SIRPG: variants seen among roughly 807,000 people sequenced by gnomAD.
SIRPG encodes the protein signal regulatory protein gamma, also known as signal-regulatory protein gamma.
Under a neutral mutation model 35.7 loss-of-function variants are expected in SIRPG, and 38 were observed. That is an observed-to-expected ratio of 1.06 (90% CI 0.82 to 1.40). The LOEUF (loss-of-function observed/expected upper bound fraction) is 1.40, where lower values mean the gene tolerates loss of function less well. Among genes scored for constraint, SIRPG ranks in the 40% most tolerant of loss-of-function variants. SIRPG has a pLI of 0.00. For synonymous variants in SIRPG, 215 were observed against 190.4 expected, an observed-to-expected ratio of 1.13 and a Z score of -1.06; for missense variants, 519 against 483.0, an observed-to-expected ratio of 1.07 and a Z score of -0.70.
intron 1 of SIRPG, among the ~76,000 whole-genome samples, chr20:1,652,925 G>A (rs1038969028): frequency 1.3e-5 from 2 of 152,178 alleles, no homozygotes; most frequent in African/African-American, 4.8e-5. Context: ...ATAGATATGT[G>A]TGTAATGTTT....
chr20:1,669,254 T>G, the SIRPG span, among the ~76,000 whole-genome samples: 1 of 152,228 alleles, frequency 6.6e-6, no homozygotes. Context: ...CAAGACATCT[T>G]CAACAACATC....
At position 1,649,321 on chromosome 20, in the gene SIRPG, G is replaced by A. The variant is rs143978848; in HGVS notation, c.161C>T (p.Thr54Ile). 3.4e-4 allele frequency: 542 copies of A among 1,614,160 alleles called. No homozygotes were observed. Among genetic ancestry groups the A allele is most frequent in the Admixed American group, 4.3e-4 (26 of 60,024 alleles). ...TCCCACGGGAAGCAGGGAGGTCACA[G>A]TGCAGTGCAGAGTGGCTGTCTTTCC... Reference protein sequence around the residue: ...TVGKTATLHCTVTSLLPVGPV... With the variant: ...TVGKTATLHCIVTSLLPVGPV... The change falls in exon 2 of 6, where the codon ACT (threonine) becomes ATT (isoleucine). Residue 54 changes from threonine to isoleucine, a missense_variant. Thr to Ile is a moderately conservative substitution (Grantham distance 89). Coordinates refer to ENST00000303415, the MANE Select transcript of SIRPG (RefSeq NM_018556.4).
intron 1 of SIRPG, among the ~76,000 whole-genome samples, chr20:1,656,245 A>G (rs1177423286): frequency 6.6e-6 from 1 of 152,230 alleles, no homozygotes. Context: ...GAACTGGTCA[A>G]CCTGGACTTG....
At chr20:1,636,584 A>G in intron 2 of SIRPG, 79 bp from the exon 3 acceptor site, 1 of 1,368,032 alleles carries the variant, frequency 7.3e-7, no homozygotes, top group East Asian at 2.3e-5. Context: ...ACTGTTAAGA[A>G]CCTTCAGATA....
upstream of SIRPG, among the ~76,000 whole-genome samples, chr20:1,661,727 A>G (rs2091996461): frequency 1.3e-5 from 2 of 152,334 alleles, no homozygotes; most frequent in African/African-American, 4.8e-5. Flanking sequence ...ACAATCCTCC[A>G]TTGTGAAAGA....
chr20:1,643,745 A>C (rs765982011), intron 2 of SIRPG, among the ~76,000 whole-genome samples: 1 of 151,954 alleles, frequency 6.6e-6, no homozygotes, highest in African/African-American at 2.4e-5. Context: ...TGACCCTTGG[A>C]TGGGGTTTTT....
At chr20:1,672,101 C>T in the SIRPG span, among the ~76,000 whole-genome samples, 173 of 152,248 alleles carry the variant, frequency 1.1e-3, 1 homozygote, top group African/African-American at 3.8e-3. Context: ...GGAACCAGGC[C>T]GCTCAGCCCA....
intron 2 of SIRPG, among the ~76,000 whole-genome samples, chr20:1,639,677 T>G (rs1028342498): frequency 6.6e-5 from 10 of 152,278 alleles, no homozygotes; most frequent in Admixed American, 3.3e-4. Context: ...TTTGGCATTT[T>G]CGTCATGAAG....
chr20:1,684,589 C>G, the SIRPG span, among the ~76,000 whole-genome samples: 1 of 152,162 alleles, frequency 6.6e-6, no homozygotes, highest in Non-Finnish European at 1.5e-5. Context: ...GTATATACAC[C>G]AGCGTTTTAA....
chr20:1,637,705 C>G (rs1206409802), intron 2 of SIRPG: 1 of 152,080 alleles, frequency 6.6e-6, no homozygotes, highest in African/African-American at 2.4e-5. Flanking sequence ...CAGGTTGGGT[C>G]CAAAAACAAT....
chr20:1,676,947 A>G, the SIRPG span: 1 of 154,982 alleles, frequency 6.5e-6, no homozygotes, highest in Non-Finnish European at 1.5e-5. Flanking sequence ...GTGTTTCCTC[A>G]TGTGTATCAA....
chr20:1,670,999 G>C, the SIRPG span: 1 of 363,906 alleles, frequency 2.7e-6, no homozygotes, highest in Non-Finnish European at 5.6e-6. Flanking sequence ...CATCCTGGCT[G>C]TGCTGCAGGT....
At chr20:1,669,532 G>T in the SIRPG span, among the ~76,000 whole-genome samples, 1 of 152,216 alleles carries the variant, frequency 6.6e-6, no homozygotes, top group African/African-American at 2.4e-5. Context: ...AGAGTCTGCT[G>T]GGATGAGGTC....
In SIRPG at chr20:1,644,427, A is replaced by G. The variant is rs147874727; in HGVS notation, c.430+4625T>C. Among the ~76,000 whole-genome samples the G allele has an allele frequency of 2.0e-4, 31 of 152,320 alleles. 1 individual carries two copies. Among genetic ancestry groups the G allele is most frequent in the South Asian group, 6.2e-4 (3 of 4,826 alleles). On this transcript the variant is annotated intron_variant, in intron 2 of 5. Transcript: ENST00000303415. Reference sequence around the variant, plus strand: ...AGCCTCCCTGGCTCCAGCAGGGGAAAAGCATGGCCTGCAGTTATAGAGATG... The same window carrying G: ...AGCCTCCCTGGCTCCAGCAGGGGAAGAGCATGGCCTGCAGTTATAGAGATG...
the SIRPG span, among the ~76,000 whole-genome samples, chr20:1,683,927 C>T: frequency 6.6e-6 from 1 of 151,646 alleles, no homozygotes; most frequent in Admixed American, 6.6e-5. Context: ...CGAGATCTCA[C>T]CATTGCACTC....
chr20:1,663,734 G>A, the SIRPG span, among the ~76,000 whole-genome samples: 4 of 152,266 alleles, frequency 2.6e-5, no homozygotes, highest in Non-Finnish European at 2.9e-5. Context: ...GGACTCCAAA[G>A]CTTTTGAACT....
rs773052108 is a variant in SIRPG at position 1,649,097 on chromosome 20, T to C, written c.385A>G (p.Asn129Asp). 27 of 1,613,778 alleles carry C rather than the reference T, an allele frequency of 1.7e-5. No homozygotes were observed. The African/African-American group carries it at 2.7e-4, about 16-fold the overall frequency. ...CCTGGTCCAGACTTAAACTCCACGT[T>C]CTCAGGGCTCCCTTTTCGAAACTTC... ...CVKFRKGSPENVEFKSGPGTE... is the reference protein window; with the variant it reads ...CVKFRKGSPEDVEFKSGPGTE... Residue 129 changes from asparagine to aspartate, a missense_variant, in exon 2 of 6, where the codon AAC (asparagine) becomes GAC (aspartate). Coordinates refer to ENST00000303415, the MANE Select transcript of SIRPG (RefSeq NM_018556.4).
chr20:1,649,095 G>C lies in SIRPG; in HGVS notation c.387C>G (p.Asn129Lys), dbSNP rs146471324. Reference protein sequence around the residue: ...CVKFRKGSPENVEFKSGPGTE... With the variant: ...CVKFRKGSPEKVEFKSGPGTE... Reference sequence around the variant, plus strand: ...TGCCTGGTCCAGACTTAAACTCCACGTTCTCAGGGCTCCCTTTTCGAAACT... The same window carrying C: ...TGCCTGGTCCAGACTTAAACTCCACCTTCTCAGGGCTCCCTTTTCGAAACT... The change falls in exon 2 of 6, where the codon AAC becomes AAG. Residue 129 changes from asparagine (N) to lysine (K), a missense_variant. Asn to Lys is a moderately conservative substitution (Grantham distance 94, BLOSUM62 0). Coordinates refer to ENST00000303415, the MANE Select transcript of SIRPG (RefSeq NM_018556.4). 7.4e-6 allele frequency: 12 copies of C among 1,613,758 alleles called. No homozygotes were observed. Among genetic ancestry groups the C allele is most frequent in the African/African-American group, 2.7e-5 (2 of 74,882 alleles).
intron 1 of SIRPG, 105 bp from the exon 2 acceptor site, chr20:1,649,513 A>C: frequency 9.7e-7 from 1 of 1,033,856 alleles, no homozygotes; most frequent in East Asian, 2.4e-5. Flanking sequence ...AGGAATCAGG[A>C]GCAGGACTTG....
Sources: allele counts gnomAD v4.1 joint callset (sites outside exome capture counted in the v4.1 genomes callset), GRCh38; gene constraint gnomAD v4.1.1; transcripts MANE v1.5; gene names NCBI Gene and HGNC (gene_info 2026-07-23, HGNC 2026-07-21).